PNMA6E: variants seen among roughly 807,000 people sequenced by gnomAD.
PNMA6E encodes the protein paraneoplastic antigen Ma6E.
For missense variants in PNMA6E, 78 were observed against 50.8 expected, an observed-to-expected ratio of 1.53 and a Z score of -1.63; for synonymous variants, 43 against 17.1, an observed-to-expected ratio of 2.52 and a Z score of -3.74.
the PNMA6E span, among the ~76,000 whole-genome samples, chrX:153,411,077 G>C: frequency 9.0e-6 from 1 of 111,147 alleles, no homozygotes; most frequent in East Asian, 2.8e-4. Flanking sequence ...CCTCTTCCCC[G>C]CTCTCTGATC....
chrX:153,400,218 G>A (rs1187256378), intron 1 of PNMA6E, among the ~76,000 whole-genome samples: 9 of 112,262 alleles, frequency 8.0e-5, no homozygotes, highest in African/African-American at 2.9e-4. Flanking sequence ...CCCACGAAGA[G>A]GCGACCTGAA....
the PNMA6E span, among the ~76,000 whole-genome samples, chrX:153,411,569 G>A: frequency 8.9e-6 from 1 of 112,834 alleles, no homozygotes; most frequent in African/African-American, 3.2e-5. Context: ...GACAAGCCCA[G>A]GAGCCCCCAC....
chrX:153,406,230 C>G (rs916388668), upstream of PNMA6E, among the ~76,000 whole-genome samples: 5 of 112,211 alleles, frequency 4.5e-5, no homozygotes, highest in Non-Finnish European at 9.4e-5. Flanking sequence ...ACGGCATCGG[C>G]GGAGAGCTAG....
chrX:153,396,766 G>A lies in PNMA6E; in HGVS notation c.*140C>T. The A allele has an allele frequency of 3.4e-6, 1 of 296,189 alleles. No individual in the cohort carries two copies. The highest frequency in any genetic ancestry group is 5.9e-6 in the Non-Finnish European group (1 of 169,647). The allele number at this position is 296,189 out of a possible 1,213,427, so 24.4% of individuals were successfully genotyped here. A position where few individuals can be genotyped will look rare whatever the true frequency, so the allele number is the denominator to read the frequency against. ...ATCCGGGTCACAGGGAAGGAATGGGGGTGGTGGCCAGAGCCCCTTGGGGGA... is the reference window on the plus strand; with the variant it reads ...ATCCGGGTCACAGGGAAGGAATGGGAGTGGTGGCCAGAGCCCCTTGGGGGA... On this transcript the variant is annotated 3_prime_UTR_variant, in exon 2 of 2. Coordinates refer to ENST00000445091, the MANE Select transcript of PNMA6E (RefSeq NM_001367770.1).
chrX:153,404,975 T>C (rs1205862155), upstream of PNMA6E, among the ~76,000 whole-genome samples: 1 of 112,863 alleles, frequency 8.9e-6, no homozygotes, highest in East Asian at 2.8e-4. Flanking sequence ...GTTTTGTTGT[T>C]AGTATTTCAT....
chrX:153,402,368 C>T (rs2088857841), upstream of PNMA6E, among the ~76,000 whole-genome samples: 1 of 111,358 alleles, frequency 9.0e-6, no homozygotes, highest in Admixed American at 9.6e-5. Flanking sequence ...CTAGTGGTTG[C>T]TCTAGGGATT....
chrX:153,405,230 C>A (rs1042627045), upstream of PNMA6E, among the ~76,000 whole-genome samples: 3 of 112,332 alleles, frequency 2.7e-5, no homozygotes, highest in Non-Finnish European at 5.6e-5. Context: ...GCTCTAACCC[C>A]CACTTTGCTT....
Position 153,398,075 on chromosome X carries a change from CT to C in PNMA6E, c.774del (p.Ala259GlnfsTer39). 4.5e-6 allele frequency: 2 copies of C among 444,312 alleles called. No individual in the cohort carries two copies. The highest frequency in any genetic ancestry group is 7.8e-6 in the Non-Finnish European group (2 of 255,409). 36.6% of individuals were successfully genotyped at this position (444,312 alleles called of 1,213,427 possible). A position where few individuals can be genotyped will look rare whatever the true frequency, so the allele number is the denominator to read the frequency against. The part of the protein sequence containing the change: ...GEGRAAGEAG[A>X]AGEAGAVGEA... ...TCACCCACAGCTCCTGCCTCACCTGCTGCTCCTGCCTCACCTGCTGCTCTTC... is the reference window on the plus strand; with the variant it reads ...TCACCCACAGCTCCTGCCTCACCTGCGCTCCTGCCTCACCTGCTGCTCTTC... On this transcript the variant is annotated frameshift_variant, in exon 2 of 2. Coordinates refer to ENST00000445091, the MANE Select transcript of PNMA6E (RefSeq NM_001367770.1). LOFTEE classifies it low-confidence loss of function (END_TRUNC).
At chrX:153,408,395 A>G in the PNMA6E span, among the ~76,000 whole-genome samples, 1 of 112,171 alleles carries the variant, frequency 8.9e-6, no homozygotes, top group African/African-American at 3.2e-5. Context: ...GCCTGACACT[A>G]TTGCCCCTAC....
At chrX:153,402,777 T>TC (rs1427274767), upstream of PNMA6E, among the ~76,000 whole-genome samples, 3 of 52,297 alleles carry the variant, frequency 5.7e-5, no homozygotes, top group East Asian at 1.8e-3. Flanking sequence ...TCACCTTCAT[T>TC]CTTAGGAGTA....
upstream of PNMA6E, among the ~76,000 whole-genome samples, chrX:153,401,586 C>T (rs1227324264): frequency 2.7e-5 from 3 of 111,951 alleles, no homozygotes; most frequent in Admixed American, 9.4e-5. Flanking sequence ...GCAGGCACAC[C>T]GATTGACCCT....
In PNMA6E at chrX:153,397,065, T is replaced by G; in HGVS notation, c.1785A>C (p.Arg595Ser). Residue 595 changes from arginine to serine, a missense_variant, in exon 2 of 2, where the codon AGA (arginine) becomes AGC (serine). Arg to Ser is a moderately radical substitution (Grantham distance 110, BLOSUM62 -1). Transcript: ENST00000445091. ...RMSSAVWVFPRGLSWGPEGLI... is the reference protein window; with the variant it reads ...RMSSAVWVFPSGLSWGPEGLI... The stretch of plus-strand genomic sequence containing the variant: ...GGCCCTCTGGACCCCAGCTAAGACC[T>G]CTTGGGAACACCCAGACAGCACTGC... The G allele has an allele frequency of 6.7e-6, 2 of 297,681 alleles. No individual in the cohort carries two copies. The highest frequency in any genetic ancestry group is 1.2e-5 in the Non-Finnish European group (2 of 170,318). The allele number at this position is 297,681 out of a possible 1,213,427, so 24.5% of individuals were successfully genotyped here.
upstream of PNMA6E, among the ~76,000 whole-genome samples, chrX:153,406,029 T>C (rs1285710091): frequency 8.9e-6 from 1 of 112,103 alleles, no homozygotes; most frequent in Non-Finnish European, 1.9e-5. Context: ...TGGTGGGCCA[T>C]CAATCCCGCA....
the PNMA6E span, among the ~76,000 whole-genome samples, chrX:153,410,488 G>A: frequency 4.5e-5 from 5 of 111,336 alleles, no homozygotes; most frequent in East Asian, 2.9e-4. Flanking sequence ...CTGCCTCTGC[G>A]CCGGGAAAGG....
chrX:153,408,406 C>G, the PNMA6E span, among the ~76,000 whole-genome samples: 1 of 112,656 alleles, frequency 8.9e-6, no homozygotes, highest in Non-Finnish European at 1.9e-5. Context: ...TTGCCCCTAC[C>G]GGCCTCATCC....
the PNMA6E span, among the ~76,000 whole-genome samples, chrX:153,410,932 A>G: frequency 2.7e-5 from 3 of 111,968 alleles, no homozygotes; most frequent in African/African-American, 9.7e-5. Context: ...GAAAATGACA[A>G]ACTCCAGGTG....
chrX:153,410,702 A>G, the PNMA6E span, among the ~76,000 whole-genome samples: 35 of 112,270 alleles, frequency 3.1e-4, no homozygotes, highest in East Asian at 7.9e-3. Flanking sequence ...AAACCCCTGA[A>G]CTCTGGTTCA....
chrX:153,399,480 G>C (rs1362770113), intron 1 of PNMA6E, among the ~76,000 whole-genome samples: 1 of 111,008 alleles, frequency 9.0e-6, no homozygotes, highest in Non-Finnish European at 1.9e-5. Flanking sequence ...TGAGTAGCTG[G>C]GACTACCGGC....
At chrX:153,410,718 C>A in the PNMA6E span, among the ~76,000 whole-genome samples, 3 of 113,094 alleles carry the variant, frequency 2.7e-5, no homozygotes, top group Non-Finnish European at 5.6e-5. Flanking sequence ...GTTCAAAGGC[C>A]AAGGAGGCTC....
Sources: allele counts gnomAD v4.1 joint callset (sites outside exome capture counted in the v4.1 genomes callset), GRCh38; gene constraint gnomAD v4.1.1; transcripts MANE v1.5; gene names NCBI Gene and HGNC (gene_info 2026-07-23, HGNC 2026-07-21).